The following RPS6KC1 variants were observed in gnomAD, a reference collection of about 807,000 sequenced individuals.
RPS6KC1 encodes the protein inactive ribosomal protein S6 kinase delta-1.
A neutral mutation model predicts 103.8 loss-of-function variants in RPS6KC1; 54 were observed. The observed-to-expected ratio is 0.52, with a 90% CI of 0.42 to 0.65. The LOEUF (loss-of-function observed/expected upper bound fraction) is 0.65. Among genes scored for constraint, RPS6KC1 ranks in the 30% least tolerant of loss-of-function variants. RPS6KC1 has a pLI of 0.00. For synonymous variants in RPS6KC1, 439 were observed against 438.7 expected, an observed-to-expected ratio of 1.00 and a Z score of -0.01; for missense variants, 1,151 against 1,253.8, an observed-to-expected ratio of 0.92 and a Z score of 1.24.
chr1:213,375,313 G>T, the RPS6KC1 span, among the ~76,000 whole-genome samples: 2 of 149,340 alleles, frequency 1.3e-5, no homozygotes, highest in African/African-American at 5.0e-5. Flanking sequence ...ACACACATAG[G>T]CATATACACA....
intron 6 of RPS6KC1, among the ~76,000 whole-genome samples, chr1:213,158,107 T>A (rs951506613): frequency 2.0e-5 from 3 of 152,168 alleles, no homozygotes; most frequent in Admixed American, 1.3e-4. Context: ...AGTTTTTTTT[T>A]AATCCAGTCT....
chr1:213,715,367 T>C, the RPS6KC1 span, among the ~76,000 whole-genome samples: 2 of 152,236 alleles, frequency 1.3e-5, no homozygotes, highest in Non-Finnish European at 2.9e-5. Flanking sequence ...TAAGACCATC[T>C]TTCTGTCCCT....
At chr1:213,063,667 A>C (rs1284566086) in intron 1 of RPS6KC1, among the ~76,000 whole-genome samples, 21 of 152,236 alleles carry the variant, frequency 1.4e-4, no homozygotes, top group Non-Finnish European at 2.8e-4. Context: ...ATAAAAATAA[A>C]AAATTGAGTG....
At chr1:213,728,948 G>GTTTTTTTTTTT in the RPS6KC1 span, among the ~76,000 whole-genome samples, 2 of 91,288 alleles carry the variant, frequency 2.2e-5, no homozygotes, top group Non-Finnish European at 2.1e-5. Flanking sequence ...TTTTTTTTTT[G>GTTTTTTTTTTT]TTTTTTTTTT....
At chr1:213,837,056 A>G in the RPS6KC1 span, among the ~76,000 whole-genome samples, 1 of 152,198 alleles carries the variant, frequency 6.6e-6, no homozygotes, top group Non-Finnish European at 1.5e-5. Flanking sequence ...TTTTTTTGTA[A>G]TGATGATTAT....
At chr1:213,779,522 C>T in the RPS6KC1 span, among the ~76,000 whole-genome samples, 12 of 152,280 alleles carry the variant, frequency 7.9e-5, no homozygotes, top group East Asian at 5.8e-4. Flanking sequence ...TTCACCTTTC[C>T]GAGATCGCAG....
Position 213,053,216 on chromosome 1 carries a change from G to A in RPS6KC1, c.105+1707G>A, listed in dbSNP as rs577472213. Among the ~76,000 whole-genome samples, 306 of 152,258 alleles carry A rather than the reference G, an allele frequency of 2.0e-3. 1 individual carries two copies. The highest frequency in any genetic ancestry group is 7.0e-3 in the African/African-American group (292 of 41,546). ...GGAATCAGAACAGTTTTCAACATAC[G>A]TAATGTTTCTCTCACAGCATCCTAC... On this transcript the variant is annotated intron_variant, in intron 1 of 14. Coordinates refer to ENST00000366960, the MANE Select transcript of RPS6KC1 (RefSeq NM_012424.6).
intron 1 of RPS6KC1, among the ~76,000 whole-genome samples, chr1:213,060,581 TA>T (rs1558237385): frequency 6.6e-6 from 1 of 152,232 alleles, no homozygotes; most frequent in Non-Finnish European, 1.5e-5. Flanking sequence ...AAATGGAACT[TA>T]AAAAATGTAA....
chr1:213,127,669 T>G (rs1433947248), intron 5 of RPS6KC1, among the ~76,000 whole-genome samples: 1 of 152,216 alleles, frequency 6.6e-6, no homozygotes, highest in East Asian at 1.9e-4. Context: ...TGATATTATT[T>G]GTTGCCAATC....
At chr1:213,431,249 G>T in the RPS6KC1 span, among the ~76,000 whole-genome samples, 1 of 152,156 alleles carries the variant, frequency 6.6e-6, no homozygotes, top group Non-Finnish European at 1.5e-5. Flanking sequence ...CTAGGTTATT[G>T]ATTTCTTATT....
chr1:213,224,145 A>G (rs2093905122), intron 8 of RPS6KC1, among the ~76,000 whole-genome samples: 1 of 152,198 alleles, frequency 6.6e-6, no homozygotes, highest in Non-Finnish European at 1.5e-5. Context: ...AAAAATAATC[A>G]TCATTTGATA....
the RPS6KC1 span, among the ~76,000 whole-genome samples, chr1:213,579,066 T>C: frequency 2.0e-5 from 3 of 152,054 alleles, no homozygotes; most frequent in Non-Finnish European, 4.4e-5. Context: ...GGGGGTGTTT[T>C]TCCTGTGCTG....
At chr1:213,068,888 TG>T (rs1443560496) in intron 1 of RPS6KC1, among the ~76,000 whole-genome samples, 2 of 147,032 alleles carry the variant, frequency 1.4e-5, no homozygotes, top group African/African-American at 2.5e-5. Context: ...TGTGTGTGTG[TG>T]TGTGTGTGTG....
intron 6 of RPS6KC1, among the ~76,000 whole-genome samples, chr1:213,151,164 G>A (rs1356697429): frequency 7.4e-5 from 10 of 135,222 alleles, no homozygotes; most frequent in African/African-American, 8.4e-5. Flanking sequence ...CTGGCCGGGC[G>A]GGGGGCTGAC....
At chr1:213,463,930 CATT>C in the RPS6KC1 span, among the ~76,000 whole-genome samples, 16 of 152,276 alleles carry the variant, frequency 1.1e-4, no homozygotes, top group East Asian at 2.9e-3. Flanking sequence ...GAATAATCAA[CATT>C]ATAAATGCGT....
the RPS6KC1 span, among the ~76,000 whole-genome samples, chr1:213,777,304 G>C: frequency 6.6e-6 from 1 of 152,160 alleles, no homozygotes; most frequent in Non-Finnish European, 1.5e-5. Flanking sequence ...AGTGAAAGAC[G>C]TGTGACTCTT....
At chr1:213,627,649 A>T in the RPS6KC1 span, among the ~76,000 whole-genome samples, 914 of 152,262 alleles carry the variant, frequency 6.0e-3, 3 homozygotes, top group African/African-American at 0.021. Flanking sequence ...TTGAATTTTG[A>T]CAAAGGCCTT....
At chr1:213,551,296 C>A in the RPS6KC1 span, among the ~76,000 whole-genome samples, 2 of 152,120 alleles carry the variant, frequency 1.3e-5, no homozygotes, top group African/African-American at 2.4e-5. Context: ...AGGCTGTTTC[C>A]ATTTACATTT....
At chr1:213,705,651 C>A in the RPS6KC1 span, among the ~76,000 whole-genome samples, 28 of 152,306 alleles carry the variant, frequency 1.8e-4, no homozygotes, top group African/African-American at 6.5e-4. Flanking sequence ...TTTCCCTCTG[C>A]TTTTCTCAAG....
Sources: allele counts gnomAD v4.1 joint callset (sites outside exome capture counted in the v4.1 genomes callset), GRCh38; gene constraint gnomAD v4.1.1; transcripts MANE v1.5; gene names NCBI Gene and HGNC (gene_info 2026-07-23, HGNC 2026-07-21).